The following CBFA2T2 variants were observed in gnomAD, a reference collection of about 807,000 sequenced individuals.
CBFA2T2 encodes the protein protein CBFA2T2.
Under a neutral mutation model 62.2 loss-of-function variants are expected in CBFA2T2, and 11 were observed. The observed-to-expected ratio is 0.18, with a 90% confidence interval of 0.11 to 0.29. The LOEUF (loss-of-function observed/expected upper bound fraction) is 0.29, where lower values mean the gene tolerates loss of function less well. Among genes scored for constraint, CBFA2T2 ranks in the 10% least tolerant of loss-of-function variants. The pLI is 1.00. For missense variants in CBFA2T2, 592 were observed against 774.1 expected, an observed-to-expected ratio of 0.76 and a Z score of 2.79; for synonymous variants, 295 against 287.5, an observed-to-expected ratio of 1.03 and a Z score of -0.27.
rs1396319745 is a variant in CBFA2T2 at position 33,636,722 on chromosome 20, T to G, written c.1297+14T>G. ...GGAAAAAAACAGGTATGTGTCTGAC[T>G]GCTTGTAGGTCATACATACTCACTA... On this transcript the variant is annotated intron_variant, in intron 9 of 10. Transcript: ENST00000342704. 6.3e-7 allele frequency: 1 copy of G among 1,588,774 alleles called. No homozygotes were observed. Among genetic ancestry groups the G allele is most frequent in the South Asian group, 1.1e-5 (1 of 90,416 alleles).
intron 1 of CBFA2T2, among the ~76,000 whole-genome samples, chr20:33,543,139 G>C (rs531365676): frequency 1.3e-4 from 20 of 151,454 alleles, no homozygotes; most frequent in Non-Finnish European, 2.9e-4. Context: ...TCAGCCCCCT[G>C]AGTAGCTGGG....
intron 1 of CBFA2T2, among the ~76,000 whole-genome samples, chr20:33,520,705 G>C (rs1011424985): frequency 6.6e-6 from 1 of 152,050 alleles, no homozygotes. Context: ...GGGAGGCAGA[G>C]TTTGCAGTGA....
intron 1 of CBFA2T2, among the ~76,000 whole-genome samples, chr20:33,543,492 T>C (rs1421467209): frequency 1.3e-5 from 2 of 152,022 alleles, no homozygotes; most frequent in African/African-American, 2.4e-5. Flanking sequence ...TAAAAGTAAA[T>C]AGTTATTAGA....
intron 4 of CBFA2T2, among the ~76,000 whole-genome samples, chr20:33,621,496 A>G (rs1188159432): frequency 6.6e-6 from 1 of 151,732 alleles, no homozygotes; most frequent in African/African-American, 2.4e-5. Flanking sequence ...TATTAATAGT[A>G]GCGACCATAT....
At chr20:33,532,319 CG>C (rs1304844042) in intron 1 of CBFA2T2, among the ~76,000 whole-genome samples, 1 of 152,080 alleles carries the variant, frequency 6.6e-6, no homozygotes, top group African/African-American at 2.4e-5. Flanking sequence ...AGGTACACAA[CG>C]AAGAGGGAAC....
rs550874356 is a variant in CBFA2T2 at position 33,537,369 on chromosome 20, C to G, written c.34+47068C>G. 5.3e-5 allele frequency among the ~76,000 whole-genome samples: 8 copies of G among 152,338 alleles called. No individual in the cohort carries two copies. The East Asian group carries it at 1.4e-3, about 26-fold the overall frequency. ...AGGCGTGGCAGCGCGCGCCTGCAAT[C>G]GCAGGCACTCGGCAGGCTGAGGCAG... On this transcript the variant is annotated intron_variant, in intron 1 of 10. Transcript: ENST00000342704.
intron 1 of CBFA2T2, among the ~76,000 whole-genome samples, chr20:33,494,241 G>A (rs1321585011): frequency 2.9e-4 from 12 of 41,898 alleles, no homozygotes; most frequent in African/African-American, 9.8e-4. Context: ...GCATATATAT[G>A]TGTATATATA....
intron 1 of CBFA2T2, among the ~76,000 whole-genome samples, chr20:33,563,772 T>A (rs1394910271): frequency 6.6e-6 from 1 of 152,186 alleles, no homozygotes; most frequent in East Asian, 1.9e-4. Context: ...ATGTTCACTT[T>A]TTTTGCTGCG....
intron 1 of CBFA2T2, among the ~76,000 whole-genome samples, chr20:33,579,105 G>GTTTTTTTTTTTTTT (rs1299627561): frequency 7.1e-6 from 1 of 140,126 alleles, no homozygotes; most frequent in East Asian, 2.0e-4. Flanking sequence ...TTTTTTGGGG[G>GTTTTTTTTTTTTTT]TTTTTTTTTG....
intron 1 of CBFA2T2, among the ~76,000 whole-genome samples, chr20:33,568,843 A>G (rs932032144): frequency 6.6e-6 from 1 of 152,046 alleles, no homozygotes; most frequent in Non-Finnish European, 1.5e-5. Context: ...TATTACTCAA[A>G]CTATAATACC....
At chr20:33,549,001 C>T (rs2012657365) in intron 1 of CBFA2T2, among the ~76,000 whole-genome samples, 1 of 149,518 alleles carries the variant, frequency 6.7e-6, no homozygotes, top group South Asian at 2.1e-4. Context: ...TCCATCCATC[C>T]ATCCGTATTC....
intron 1 of CBFA2T2, among the ~76,000 whole-genome samples, chr20:33,604,043 C>T (rs983216385): frequency 1.3e-5 from 2 of 152,142 alleles, no homozygotes; most frequent in African/African-American, 4.8e-5. Context: ...CACCCAGCTT[C>T]CATCAAAAAT....
rs554113632 is a variant in CBFA2T2 at position 33,493,152 on chromosome 20, T to C, written c.34+2851T>C. ...GTGCAATGGCATGATCTCGGCTCAC[T>C]GCAACCTCCGCCTCCTGGGTTCAAG... On this transcript the variant is annotated intron_variant, in intron 1 of 10. Coordinates refer to ENST00000342704, the MANE Select transcript of CBFA2T2 (RefSeq NM_001032999.3). 2.0e-4 allele frequency among the ~76,000 whole-genome samples: 29 copies of C among 142,344 alleles called. 1 individual carries two copies. The highest frequency in any genetic ancestry group is 1.2e-3 in the South Asian group (5 of 4,100). The allele number at this position is 142,344 out of a possible 152,430, so 93.4% of individuals were successfully genotyped here.
intron 1 of CBFA2T2, among the ~76,000 whole-genome samples, chr20:33,599,234 C>A (rs1424927238): frequency 6.6e-6 from 1 of 151,340 alleles, no homozygotes; most frequent in African/African-American, 2.4e-5. Context: ...TGCAATACAG[C>A]CTGGGCGACA....
chr20:33,611,541 G>T (rs1416262351), intron 3 of CBFA2T2, among the ~76,000 whole-genome samples: 1 of 151,278 alleles, frequency 6.6e-6, no homozygotes, highest in Non-Finnish European at 1.5e-5. Context: ...TTTTTTTGAG[G>T]GTCTTACTGT....
chr20:33,534,420 A>G (rs535565198), intron 1 of CBFA2T2, among the ~76,000 whole-genome samples: 1 of 152,186 alleles, frequency 6.6e-6, no homozygotes, highest in South Asian at 2.1e-4. Flanking sequence ...CCTGGGTTCA[A>G]GTGATCCTGA....
intron 1 of CBFA2T2, among the ~76,000 whole-genome samples, chr20:33,515,656 T>A (rs1239124608): frequency 6.6e-6 from 1 of 151,132 alleles, no homozygotes; most frequent in African/African-American, 2.4e-5. Context: ...ACAAAATTAG[T>A]CGGGCATGGT....
At chr20:33,535,602 A>T (rs1190733126) in intron 1 of CBFA2T2, among the ~76,000 whole-genome samples, 121 of 138,546 alleles carry the variant, frequency 8.7e-4, no homozygotes, top group African/African-American at 3.2e-3. Context: ...ATTGAGTTTT[A>T]TTTTTATTTT....
intron 1 of CBFA2T2, among the ~76,000 whole-genome samples, chr20:33,499,301 G>C (rs1037643857): frequency 6.6e-6 from 1 of 152,126 alleles, no homozygotes; most frequent in African/African-American, 2.4e-5. Flanking sequence ...GTATTGTTTT[G>C]AATCTCATAG....
Sources: allele counts gnomAD v4.1 joint callset (sites outside exome capture counted in the v4.1 genomes callset), GRCh38; gene constraint gnomAD v4.1.1; transcripts MANE v1.5; gene names NCBI Gene and HGNC (gene_info 2026-07-23, HGNC 2026-07-21).